ARMH4: variants seen among roughly 807,000 people sequenced by gnomAD.
The protein encoded by ARMH4 is armadillo-like helical domain-containing protein 4.
A neutral mutation model predicts 61.9 loss-of-function variants in ARMH4; 49 were observed. The observed-to-expected ratio is 0.79, with a 90% CI of 0.63 to 1.00. The LOEUF (loss-of-function observed/expected upper bound fraction) is 1.00. Among genes scored for constraint, ARMH4 ranks in the 50% least tolerant of loss-of-function variants. ARMH4 has a pLI of 0.00. For missense variants in ARMH4, 934 were observed against 930.0 expected, an observed-to-expected ratio of 1.00 and a Z score of -0.06; for synonymous variants, 368 against 341.5, an observed-to-expected ratio of 1.08 and a Z score of -0.85.
At chr14:58,044,215 T>C (rs1022262614) in intron 5 of ARMH4, among the ~76,000 whole-genome samples, 1 of 152,158 alleles carries the variant, frequency 6.6e-6, no homozygotes, top group Admixed American at 6.5e-5. Flanking sequence ...CTTCAAACTA[T>C]ACTACAAGGC....
At chr14:58,079,351 G>A (rs1311511011) in intron 5 of ARMH4, among the ~76,000 whole-genome samples, 1 of 152,176 alleles carries the variant, frequency 6.6e-6, no homozygotes, top group Non-Finnish European at 1.5e-5. Flanking sequence ...AAGGCAGAAG[G>A]GCAAGAGAGC....
At position 58,002,584 on chromosome 14, in the gene ARMH4, C is replaced by G. The variant is rs1182404486; in HGVS notation, c.*2152G>C. 1.3e-5 allele frequency: 2 copies of G among 152,224 alleles called. No homozygotes were observed. Among genetic ancestry groups the G allele is most frequent in the African/African-American group, 4.8e-5 (2 of 41,464 alleles). 9.4% of individuals were successfully genotyped at this position (152,224 alleles called of 1,614,324 possible). ...AAGGCAATAATGGCCACTAGTATCA[C>G]CCATGTGCTACTCAGTTAAGTGGCC... On this transcript the variant is annotated 3_prime_UTR_variant, in exon 8 of 8. Transcript: ENST00000267485.
At chr14:58,089,331 C>T (rs186719300) in intron 5 of ARMH4, among the ~76,000 whole-genome samples, 2 of 152,248 alleles carry the variant, frequency 1.3e-5, no homozygotes, top group African/African-American at 4.8e-5. Flanking sequence ...CTGTGTTGCA[C>T]TATATTAAGT....
At chr14:58,011,926 T>C (rs1882423509) in intron 6 of ARMH4, among the ~76,000 whole-genome samples, 193 bp downstream of exon 6, 1 of 152,200 alleles carries the variant, frequency 6.6e-6, no homozygotes, top group Non-Finnish European at 1.5e-5. Context: ...GAATAAGGTG[T>C]CTCCTGTATT....
chr14:58,096,590 T>C (rs1424955301), intron 5 of ARMH4, 134 bp downstream of exon 5: 2 of 969,778 alleles, frequency 2.1e-6, no homozygotes, highest in Non-Finnish European at 3.0e-6. Context: ...TAACCACCCA[T>C]AAATGTAGAA....
At chr14:58,134,956 C>CCA (rs1887257024) in intron 2 of ARMH4, among the ~76,000 whole-genome samples, 2 of 73,866 alleles carry the variant, frequency 2.7e-5, no homozygotes, top group South Asian at 9.3e-4. Context: ...GACTCTGTCT[C>CCA]AAAAAAAAAA....
intron 5 of ARMH4, among the ~76,000 whole-genome samples, chr14:58,050,118 T>C (rs957038251): frequency 5.9e-5 from 9 of 152,212 alleles, no homozygotes; most frequent in African/African-American, 2.2e-4. Context: ...TCCCATGGCA[T>C]GACATTCACC....
chr14:58,041,467 C>T (rs996775446), intron 5 of ARMH4, among the ~76,000 whole-genome samples: 2 of 152,186 alleles, frequency 1.3e-5, no homozygotes, highest in African/African-American at 4.8e-5. Context: ...AAAGGAACAA[C>T]CGGTACCAGC....
intron 5 of ARMH4, among the ~76,000 whole-genome samples, chr14:58,092,017 A>C (rs1885583170): frequency 6.6e-6 from 1 of 152,228 alleles, no homozygotes; most frequent in Non-Finnish European, 1.5e-5. Flanking sequence ...TTGAGGCCTG[A>C]ATCTACTGCT....
intron 5 of ARMH4, among the ~76,000 whole-genome samples, chr14:58,056,634 C>T (rs184178458): frequency 1.3e-5 from 2 of 152,276 alleles, no homozygotes; most frequent in East Asian, 3.9e-4. Context: ...AGGGGTTAGG[C>T]ATGTGGCCAA....
In ARMH4 at chr14:58,002,376, A is replaced by G. The variant is rs1480020207; in HGVS notation, c.*2360T>C. 2 of 152,216 alleles carry G rather than the reference A, an allele frequency of 1.3e-5. No individual in the cohort carries two copies. The allele number at this position is 152,216 out of a possible 1,614,324, so 9.4% of individuals were successfully genotyped here. Reference sequence around the variant, plus strand: ...TCTAAGTATAATCTTTTCCTTTAAGAAATCATGTGTCCCAAAAAGGACCAC... The same window carrying G: ...TCTAAGTATAATCTTTTCCTTTAAGGAATCATGTGTCCCAAAAAGGACCAC... On this transcript the variant is annotated 3_prime_UTR_variant, in exon 8 of 8. Coordinates refer to ENST00000267485, the MANE Select transcript of ARMH4 (RefSeq NM_001001872.4).
chr14:58,104,548 T>C (rs981997101), intron 4 of ARMH4, among the ~76,000 whole-genome samples: 3 of 152,226 alleles, frequency 2.0e-5, no homozygotes, highest in African/African-American at 7.2e-5. Context: ...GAAAATGTTC[T>C]TTTTATGGGC....
At chr14:58,083,756 C>T (rs1263435498) in intron 5 of ARMH4, among the ~76,000 whole-genome samples, 1 of 152,120 alleles carries the variant, frequency 6.6e-6, no homozygotes, top group Non-Finnish European at 1.5e-5. Flanking sequence ...ATTAAATATC[C>T]AGAAAAGGGA....
intron 5 of ARMH4, among the ~76,000 whole-genome samples, chr14:58,040,042 AG>A (rs35989803): frequency 6.6e-6 from 1 of 152,208 alleles, no homozygotes; most frequent in East Asian, 1.9e-4. Flanking sequence ...AACAACGAAA[AG>A]GAAATGTAAA....
intron 5 of ARMH4, among the ~76,000 whole-genome samples, chr14:58,091,198 T>G (rs897982087): frequency 6.7e-6 from 1 of 149,990 alleles, no homozygotes; most frequent in African/African-American, 2.5e-5. Flanking sequence ...GGCAACAAAG[T>G]AAGACTCCAT....
At chr14:58,087,737 C>T (rs138346981) in intron 5 of ARMH4, among the ~76,000 whole-genome samples, 29 of 152,234 alleles carry the variant, frequency 1.9e-4, no homozygotes, top group African/African-American at 6.0e-4. Flanking sequence ...TGTCAGTCTT[C>T]AAGAAAAACT....
At chr14:58,018,536 G>A (rs1691846550) in intron 5 of ARMH4, among the ~76,000 whole-genome samples, 1 of 151,536 alleles carries the variant, frequency 6.6e-6, no homozygotes, top group African/African-American at 2.4e-5. Flanking sequence ...TAATTAATTT[G>A]CTTATCAGTG....
At chr14:58,019,739 C>T (rs1051948431) in intron 5 of ARMH4, among the ~76,000 whole-genome samples, 9 of 151,902 alleles carry the variant, frequency 5.9e-5, no homozygotes, top group African/African-American at 2.2e-4. Flanking sequence ...TGCAGTGAGC[C>T]GAGATCACGC....
At chr14:58,127,771 G>A (rs1005971125) in intron 4 of ARMH4, among the ~76,000 whole-genome samples, 1 of 152,044 alleles carries the variant, frequency 6.6e-6, no homozygotes, top group Admixed American at 6.6e-5. Context: ...TGTGTGGTCC[G>A]CACCATGGCA....
Sources: allele counts gnomAD v4.1 joint callset (sites outside exome capture counted in the v4.1 genomes callset), GRCh38; gene constraint gnomAD v4.1.1; transcripts MANE v1.5; gene names NCBI Gene and HGNC (gene_info 2026-07-23, HGNC 2026-07-21).